KLHL32: variants seen among roughly 807,000 people sequenced by gnomAD.
KLHL32 encodes kelch like family member 32, also known as kelch-like protein 32.
KLHL32 carries 35 observed loss-of-function variants against 64.8 expected under a neutral mutation model. That is an observed-to-expected ratio of 0.54 (90% CI 0.41 to 0.72). The LOEUF is 0.72. Ranked by LOEUF, KLHL32 falls within the 30% of genes least tolerant of loss-of-function variation. KLHL32 has a pLI of 0.00. For synonymous variants in KLHL32, 259 were observed against 281.0 expected (o/e 0.92, Z 0.78); for missense variants, 589 against 768.5 (o/e 0.77, Z 2.76).
intron 6 of KLHL32, among the ~76,000 whole-genome samples, chr6:97,097,642 TTC>T: frequency 1.3e-5 from 2 of 152,326 alleles, no homozygotes; most frequent in East Asian, 3.9e-4. Flanking sequence ...CCTTTTTTTT[TTC>T]TTTTTTCAAA....
chr6:97,035,807 C>A (rs888086817), intron 3 of KLHL32, among the ~76,000 whole-genome samples: 1 of 151,774 alleles, frequency 6.6e-6, no homozygotes, highest in Non-Finnish European at 1.5e-5. Flanking sequence ...TATCCTGGTG[C>A]AGATCTCTTT....
At chr6:97,043,426 A>G (rs1015294525) in intron 4 of KLHL32, among the ~76,000 whole-genome samples, 2 of 149,632 alleles carry the variant, frequency 1.3e-5, no homozygotes, top group African/African-American at 5.0e-5. Flanking sequence ...AAATAGCAGT[A>G]TGTTGTGTAT....
chr6:96,952,621 G>C (rs1414442397), intron 1 of KLHL32, among the ~76,000 whole-genome samples: 1 of 152,170 alleles, frequency 6.6e-6, no homozygotes, highest in Admixed American at 6.5e-5. Flanking sequence ...CCTTTTGTAA[G>C]ACTAATGAAA....
chr6:97,022,718 C>T (rs1360424731), intron 3 of KLHL32, among the ~76,000 whole-genome samples: 1 of 152,174 alleles, frequency 6.6e-6, no homozygotes, highest in Non-Finnish European at 1.5e-5. Context: ...GATCCATTGG[C>T]CTCAGCCTCC....
intron 2 of KLHL32, 109 bp downstream of exon 2, chr6:96,967,192 A>C: frequency 1.1e-6 from 1 of 909,184 alleles, no homozygotes; most frequent in South Asian, 1.7e-5. Context: ...ATTTGAAGGA[A>C]TCATCAAACT....
the KLHL32 span, among the ~76,000 whole-genome samples, chr6:96,899,148 T>C: frequency 6.6e-6 from 1 of 152,212 alleles, no homozygotes; most frequent in Non-Finnish European, 1.5e-5. Context: ...ATGCCCTTTA[T>C]TTAATTATAC....
intron 3 of KLHL32, among the ~76,000 whole-genome samples, chr6:96,992,451 T>C (rs901754770): frequency 1.3e-5 from 2 of 152,248 alleles, no homozygotes; most frequent in African/African-American, 4.8e-5. Context: ...TAATGTTTAC[T>C]CACTACTCTC....
Position 97,127,396 on chromosome 6 carries a change from C to T in KLHL32, c.1355-8C>T. 1 of 1,609,022 alleles carries T rather than the reference C, an allele frequency of 6.2e-7. No individual in the cohort carries two copies. The highest frequency in any genetic ancestry group is 1.1e-5 in the South Asian group (1 of 90,850). ...TGAAAAGCTCTAACACATGTTAATC[C>T]ATTACAGGTGGAGTAACTAATACGG... On this transcript the variant is annotated splice_polypyrimidine_tract_variant and splice_region_variant and intron_variant, in intron 7 of 10. Coordinates refer to ENST00000369261, the MANE Select transcript of KLHL32 (RefSeq NM_052904.4).
chr6:97,025,335 T>C (rs1414072337), intron 3 of KLHL32, among the ~76,000 whole-genome samples: 4 of 152,252 alleles, frequency 2.6e-5, no homozygotes, highest in South Asian at 2.1e-4. Context: ...TCCTGAAAGA[T>C]TGAATTATCA....
chr6:97,110,446 A>T lies in KLHL32; in HGVS notation c.628-3337A>T, dbSNP rs146228988. ...TCACTTCATTCAGAAAACTAAAAAG[A>T]CAAGCCCAAAATGCATCTTGCCTTT... On this transcript the variant is annotated intron_variant, in intron 6 of 10. Coordinates refer to ENST00000369261, the MANE Select transcript of KLHL32 (RefSeq NM_052904.4). Among the ~76,000 whole-genome samples the T allele has an allele frequency of 2.4e-3, 367 of 152,350 alleles. 3 individuals carry two copies. The highest frequency in any genetic ancestry group is 8.3e-3 in the African/African-American group (345 of 41,584).
chr6:97,016,819 G>T (rs1275951613), intron 3 of KLHL32, among the ~76,000 whole-genome samples: 1 of 152,108 alleles, frequency 6.6e-6, no homozygotes, highest in Admixed American at 6.5e-5. Flanking sequence ...TGGATCCTGC[G>T]GTTGGTTTAC....
chr6:97,063,816 A>G (rs922814468), intron 4 of KLHL32, among the ~76,000 whole-genome samples: 5 of 152,208 alleles, frequency 3.3e-5, no homozygotes, highest in African/African-American at 1.2e-4. Flanking sequence ...GAAATGGGTT[A>G]GAATGGAGGG....
At chr6:97,084,921 A>G (rs1381223058) in intron 5 of KLHL32, among the ~76,000 whole-genome samples, 1 of 152,132 alleles carries the variant, frequency 6.6e-6, no homozygotes, top group Non-Finnish European at 1.5e-5. Context: ...AAGAGGAGTA[A>G]AATGAGGAAA....
intron 7 of KLHL32, among the ~76,000 whole-genome samples, chr6:97,126,860 C>T (rs1798929471): frequency 6.6e-6 from 1 of 151,926 alleles, no homozygotes; most frequent in South Asian, 2.1e-4. Flanking sequence ...TTTTATGTGG[C>T]TACTGGAAAA....
At chr6:97,096,229 CCT>C (rs1794970522) in intron 6 of KLHL32, among the ~76,000 whole-genome samples, 1 of 152,146 alleles carries the variant, frequency 6.6e-6, no homozygotes, top group Admixed American at 6.5e-5. Flanking sequence ...GCCGTCCTGT[CCT>C]CTGTCACTTA....
intron 7 of KLHL32, among the ~76,000 whole-genome samples, chr6:97,126,482 T>C (rs1798888611): frequency 6.6e-6 from 1 of 151,908 alleles, no homozygotes; most frequent in African/African-American, 2.4e-5. Context: ...TAGCTGGAAG[T>C]GTGATGATTT....
chr6:96,971,029 A>AT (rs58279291), intron 2 of KLHL32, among the ~76,000 whole-genome samples: 18 of 151,592 alleles, frequency 1.2e-4, no homozygotes, highest in East Asian at 1.9e-4. Context: ...TTACTGTTAG[A>AT]TTTTTTTTTG....
At chr6:97,064,553 G>A (rs1314270128) in intron 4 of KLHL32, 75 bp from the exon 5 acceptor site, 3 of 978,162 alleles carry the variant, frequency 3.1e-6, no homozygotes, top group Non-Finnish European at 4.8e-6. Context: ...ATATACTATG[G>A]TATATCTACA....
At chr6:97,113,704 G>A in intron 6 of KLHL32, 79 bp from the exon 7 acceptor site, 1 of 1,508,994 alleles carries the variant, frequency 6.6e-7, no homozygotes, top group Non-Finnish European at 9.0e-7. Flanking sequence ...AAGAATACAG[G>A]TAACCTACCT....
Sources: gnomAD v4.1 joint callset for allele counts (sites outside exome capture counted in the v4.1 genomes callset) on GRCh38, gnomAD v4.1.1 for gene constraint, MANE v1.5 for transcripts, NCBI Gene and HGNC (gene_info 2026-07-23, HGNC 2026-07-21) for gene names.